Variants in CFAP45 observed in about 807,000 individuals in gnomAD.
CFAP45 encodes the protein cilia- and flagella-associated protein 45.
A neutral mutation model predicts 75.6 loss-of-function variants in CFAP45; 43 were observed. The observed-to-expected ratio is 0.57, with a 90% CI of 0.45 to 0.73. The LOEUF (loss-of-function observed/expected upper bound fraction) is 0.73, where lower values mean the gene tolerates loss of function less well. Among genes scored for constraint, CFAP45 ranks in the 30% least tolerant of loss-of-function variants. CFAP45 has a pLI of 0.00. For missense variants in CFAP45, 689 were observed against 701.5 expected, an observed-to-expected ratio of 0.98 and a Z score of 0.20; for synonymous variants, 223 against 244.6, an observed-to-expected ratio of 0.91 and a Z score of 0.82.
At chr1:159,877,613 A>G (rs1242005270) in intron 8 of CFAP45, 151 bp from the exon 9 acceptor site, 3 of 661,968 alleles carry the variant, frequency 4.5e-6, no homozygotes, top group Non-Finnish European at 8.2e-6. Flanking sequence ...GCCGTGGCTC[A>G]TGCCTATAAT....
intron 1 of CFAP45, 24 bp downstream of exon 1, chr1:159,900,072 G>T (rs542687245): frequency 6.2e-7 from 1 of 1,613,880 alleles, no homozygotes; most frequent in African/African-American, 1.3e-5. Context: ...GGACACAAGG[G>T]GCCCATCTGA....
In CFAP45 at chr1:159,877,270, G is replaced by C; in HGVS notation, c.1158+79C>G. ...CTTTCCTCCGCATCTCCACCCTCAA[G>C]GCCATTCTACAGGCTGTCAAAGGGA... On this transcript the variant is annotated intron_variant, in intron 9 of 11. Transcript: ENST00000368099. 6 of 1,010,810 alleles carry C rather than the reference G, an allele frequency of 5.9e-6. No homozygotes were observed. In the South Asian group the frequency reaches 7.6e-5, roughly 13 times the overall value. 62.6% of individuals were successfully genotyped at this position (1,010,810 alleles called of 1,614,324 possible). A position where few individuals can be genotyped will look rare whatever the true frequency, so the allele number is the denominator to read the frequency against.
In CFAP45 at chr1:159,888,021, A is replaced by C; in HGVS notation, c.418-10T>G. Reference sequence around the variant, plus strand: ...GTGTCATCACTGCATCCTAAGGGAGACCAGTCTGGCTCAGTGGGAGATTAT... The same window carrying C: ...GTGTCATCACTGCATCCTAAGGGAGCCCAGTCTGGCTCAGTGGGAGATTAT... On this transcript the variant is annotated splice_polypyrimidine_tract_variant and intron_variant, in intron 4 of 11. Coordinates refer to ENST00000368099, the MANE Select transcript of CFAP45 (RefSeq NM_012337.3). 1 of 1,612,572 alleles carries C rather than the reference A, an allele frequency of 6.2e-7. No homozygotes were observed. The highest frequency in any genetic ancestry group is 8.5e-7 in the Non-Finnish European group (1 of 1,178,890).
At chr1:159,888,256 T>C in intron 4 of CFAP45, 96 bp downstream of exon 4, 1 of 1,278,616 alleles carries the variant, frequency 7.8e-7, no homozygotes, top group Non-Finnish European at 1.1e-6. Context: ...AGTACATAAT[T>C]TGTGCCTCAT....
intron 8 of CFAP45, among the ~76,000 whole-genome samples, chr1:159,879,166 T>C (rs934985733): frequency 6.6e-6 from 1 of 152,192 alleles, no homozygotes; most frequent in African/African-American, 2.4e-5. Flanking sequence ...CTCCTTATCA[T>C]TCCACTCTTC....
Position 159,878,753 on chromosome 1 carries a change from T to TAAAAAAAGAAAAAAAAAAAAA in CFAP45, c.1045-1292_1045-1291insTTTTTTTTTTTTTCTTTTTTT. On this transcript the variant is annotated intron_variant, in intron 8 of 11. Coordinates refer to ENST00000368099, the MANE Select transcript of CFAP45 (RefSeq NM_012337.3). The stretch of plus-strand genomic sequence containing the variant: ...CCTAGTGACAGAGCAAGACTACATC[T>TAAAAAAAGAAAAAAAAAAAAA]AAAAAAAAAAAAAAAAAAAAAAAAA... Among the ~76,000 whole-genome samples, 2 of 32,496 alleles carry TAAAAAAAGAAAAAAAAAAAAA rather than the reference T, an allele frequency of 6.2e-5. 1 individual carries two copies. Among genetic ancestry groups the TAAAAAAAGAAAAAAAAAAAAA allele is most frequent in the Non-Finnish European group, 1.2e-4 (2 of 17,262 alleles). The allele number at this position is 32,496 out of a possible 152,430, so 21.3% of individuals were successfully genotyped here.
At chr1:159,874,346 C>G (rs973191568) in intron 10 of CFAP45, among the ~76,000 whole-genome samples, 1 of 152,150 alleles carries the variant, frequency 6.6e-6, no homozygotes, top group Non-Finnish European at 1.5e-5. Context: ...ATCCACCATA[C>G]ATGCGGCATC....
chr1:159,890,355 G>C (rs1557915352), intron 3 of CFAP45, 125 bp downstream of exon 3: 1 of 850,178 alleles, frequency 1.2e-6, no homozygotes, highest in East Asian at 2.5e-5. Flanking sequence ...AGGGGAAAAC[G>C]AATAGGAAAG....
Position 159,876,536 on chromosome 1 carries a change from G to T in CFAP45, c.1352+20C>A. 1 of 1,567,928 alleles carries T rather than the reference G, an allele frequency of 6.4e-7. No individual in the cohort carries two copies. The highest frequency in any genetic ancestry group is 8.8e-7 in the Non-Finnish European group (1 of 1,138,428). On this transcript the variant is annotated intron_variant, in intron 10 of 11. Coordinates refer to ENST00000368099, the MANE Select transcript of CFAP45 (RefSeq NM_012337.3). Reference sequence around the variant, plus strand: ...CTACAGTACAAGGAAAGGAATCCAAGGTTCCCAGGCCCCTCCTACCGAAGA... The same window carrying T: ...CTACAGTACAAGGAAAGGAATCCAATGTTCCCAGGCCCCTCCTACCGAAGA...
chr1:159,883,307 A>G (rs991891575), intron 7 of CFAP45, among the ~76,000 whole-genome samples: 1 of 152,138 alleles, frequency 6.6e-6, no homozygotes, highest in Non-Finnish European at 1.5e-5. Flanking sequence ...TGAATGAATG[A>G]ATGAATGGGG....
rs145923860 is a variant in CFAP45 at position 159,872,989 on chromosome 1, C to T, written c.1532G>A (p.Arg511His). 807 of 1,614,238 alleles carry T rather than the reference C, an allele frequency of 5.0e-4. 3 individuals carry two copies. The African/African-American group carries it at 9.2e-3, about 18-fold the overall frequency. The change falls in exon 11 of 12, where the codon CGT (arginine) becomes CAT (histidine). Residue 511 changes from arginine to histidine, a missense_variant. Arg to His is a conservative substitution (Grantham distance 29). Coordinates refer to ENST00000368099, the MANE Select transcript of CFAP45 (RefSeq NM_012337.3). ...RRLKEEAQKR[R>H]ERIDEIKRKK... Reference sequence around the variant, plus strand: ...CCTCTTGATCTCATCGATGCGCTCACGGCGTTTCTGGGCCTCCTCTTTGAG... The same window carrying T: ...CCTCTTGATCTCATCGATGCGCTCATGGCGTTTCTGGGCCTCCTCTTTGAG...
intron 1 of CFAP45, among the ~76,000 whole-genome samples, 173 bp from the exon 2 acceptor site, chr1:159,893,478 G>C (rs1649876935): frequency 6.6e-6 from 1 of 152,180 alleles, no homozygotes; most frequent in Non-Finnish European, 1.5e-5. Flanking sequence ...GCAACAGATG[G>C]AGGGCATCCC....
intron 1 of CFAP45, among the ~76,000 whole-genome samples, chr1:159,894,143 TG>T (rs1186531724): frequency 6.6e-6 from 1 of 152,184 alleles, no homozygotes; most frequent in Non-Finnish European, 1.5e-5. Flanking sequence ...TTTTGTTTTT[TG>T]TGGGGTTTTT....
chr1:159,894,328 CT>C (rs1359991335), intron 1 of CFAP45, among the ~76,000 whole-genome samples: 1 of 152,202 alleles, frequency 6.6e-6, no homozygotes, highest in East Asian at 1.9e-4. Flanking sequence ...GGCTTGCCCC[CT>C]GAGACACGCA....
chr1:159,877,605 C>T (rs913625994), intron 8 of CFAP45, 143 bp from the exon 9 acceptor site: 4 of 678,676 alleles, frequency 5.9e-6, no homozygotes, highest in African/African-American at 3.5e-5. Context: ...GGCCAGGTGC[C>T]GTGGCTCATG....
intron 10 of CFAP45, among the ~76,000 whole-genome samples, chr1:159,873,953 C>T (rs1649343551): frequency 1.3e-5 from 2 of 151,654 alleles, no homozygotes; most frequent in African/African-American, 2.4e-5. Context: ...ATGCTAGCTC[C>T]ACCCTGGTTA....
Position 159,890,678 on chromosome 1 carries a change from A to C in CFAP45, c.130-56T>G, listed in dbSNP as rs924315302. ...TTGTCACCCCCACTTCCTGCTGGTC[A>C]GTCCTAACTTCAAGGATAGAGCAGC... is the stretch of plus-strand genomic sequence containing the variant. On this transcript the variant is annotated intron_variant, in intron 2 of 11. Coordinates refer to ENST00000368099, the MANE Select transcript of CFAP45 (RefSeq NM_012337.3). 5.1e-6 allele frequency: 8 copies of C among 1,562,704 alleles called. No individual in the cohort carries two copies. In the African/African-American group the frequency reaches 1.1e-4, roughly 21 times the overall value.
chr1:159,877,786 A>G (rs1044194871), intron 8 of CFAP45, among the ~76,000 whole-genome samples: 1 of 152,092 alleles, frequency 6.6e-6, no homozygotes, highest in African/African-American at 2.4e-5. Flanking sequence ...CTGAGATAGG[A>G]GGACTGCTTG....
rs62640918 is a variant in CFAP45 at position 159,890,532 on chromosome 1, G to A, written c.220C>T (p.Arg74Cys). The A allele has an allele frequency of 8.0e-4, 1,285 of 1,614,012 alleles. 7 individuals are homozygous for A. The African/African-American group carries it at 0.015, about 19-fold the overall frequency. The stretch of plus-strand genomic sequence containing the variant: ...ATGAGCTGGATGGTCTCTGGCTTGC[G>A]ATCCAAGCCCAAAGCAGTGAGAGTT... Reference protein sequence around the residue: ...QKTLTALGLDRKPETIQLITR... With the variant: ...QKTLTALGLDCKPETIQLITR... The change falls in exon 3 of 12, where the codon CGC becomes TGC. Residue 74 changes from arginine (R) to cysteine (C), a missense_variant. Coordinates refer to ENST00000368099, the MANE Select transcript of CFAP45 (RefSeq NM_012337.3).
Sources: allele counts gnomAD v4.1 joint callset (sites outside exome capture counted in the v4.1 genomes callset), GRCh38; gene constraint gnomAD v4.1.1; transcripts MANE v1.5; gene names NCBI Gene and HGNC (gene_info 2026-07-23, HGNC 2026-07-21).